CCDC88C: variants seen among roughly 807,000 people sequenced by gnomAD.
The protein encoded by CCDC88C is coiled-coil and HOOK domain protein 88C.
CCDC88C carries 131 observed loss-of-function variants against 198.8 expected under a neutral mutation model. The ratio of observed to expected loss-of-function variants is 0.66; its 90% CI spans 0.57 to 0.76. The LOEUF is 0.76. Ranked by LOEUF, CCDC88C falls within the 30% of genes least tolerant of loss-of-function variation. The pLI, the probability that CCDC88C is intolerant of heterozygous loss-of-function variation, is 0.00. For missense variants in CCDC88C, 2,553 were observed against 2,631.6 expected (o/e 0.97, Z 0.65); for synonymous variants, 1,166 against 1,114.7 (o/e 1.05, Z -0.92).
Position 91,344,191 on chromosome 14 carries a change from G to A in CCDC88C, c.341-534C>T, listed in dbSNP as rs117670130. Among the ~76,000 whole-genome samples, 79 of 152,198 alleles carry A rather than the reference G, an allele frequency of 5.2e-4. 2 individuals are homozygous for A. The East Asian group carries it at 0.013, about 25-fold the overall frequency. On this transcript the variant is annotated intron_variant, in intron 4 of 29. Coordinates refer to ENST00000389857, the MANE Select transcript of CCDC88C (RefSeq NM_001080414.4). Reference sequence around the variant, plus strand: ...GAAGCCCCTTCCATTCAAATATGTCGTAAGTATCTCCCCATGATAATTAAC... The same window carrying A: ...GAAGCCCCTTCCATTCAAATATGTCATAAGTATCTCCCCATGATAATTAAC...
intron 3 of CCDC88C, among the ~76,000 whole-genome samples, chr14:91,367,553 T>C (rs1256966614): frequency 6.6e-6 from 1 of 152,206 alleles, no homozygotes; most frequent in African/African-American, 2.4e-5. Context: ...AGACACGTAC[T>C]GTGTACACCT....
At chr14:91,307,586 TGC>T (rs1891613994) in intron 17 of CCDC88C, among the ~76,000 whole-genome samples, 1 of 152,254 alleles carries the variant, frequency 6.6e-6, no homozygotes, top group African/African-American at 2.4e-5. Flanking sequence ...TCAAAGCCCC[TGC>T]TGGCACTGGA....
intron 3 of CCDC88C, among the ~76,000 whole-genome samples, chr14:91,407,936 T>C (rs1886591693): frequency 6.6e-6 from 1 of 152,112 alleles, no homozygotes; most frequent in African/African-American, 2.4e-5. Flanking sequence ...GCGTGCACCA[T>C]GCCCAGCTAA....
chr14:91,335,101 G>T (rs1425864414), intron 10 of CCDC88C, among the ~76,000 whole-genome samples: 1 of 152,112 alleles, frequency 6.6e-6, no homozygotes, highest in East Asian at 1.9e-4. Context: ...CCTCCCAGGG[G>T]CCAGAACTGC....
chr14:91,310,072 A>G (rs1393835874), intron 15 of CCDC88C, 86 bp from the exon 16 acceptor site: 3 of 1,374,570 alleles, frequency 2.2e-6, no homozygotes, highest in Non-Finnish European at 2.9e-6. Flanking sequence ...GGTGTGAGCA[A>G]CTGTCCTCCC....
chr14:91,349,410 G>A (rs1011249336), intron 4 of CCDC88C, among the ~76,000 whole-genome samples: 1 of 152,216 alleles, frequency 6.6e-6, no homozygotes, highest in Non-Finnish European at 1.5e-5. Context: ...AAGAGAGCAC[G>A]CTGCTTGTCA....
rs562306188 is a variant in CCDC88C at position 91,307,073 on chromosome 14, G to A, written c.3160C>T (p.Arg1054Ter). The change falls in exon 18 of 30, where the codon CGA becomes TGA. Residue 1054 changes from arginine (R) to a stop codon, truncating the protein, a stop_gained. Coordinates refer to ENST00000389857, the MANE Select transcript of CCDC88C (RefSeq NM_001080414.4). LOFTEE classifies it high-confidence loss of function. ...GHKEATMELL[R>*]VKDRAIELER... ...AGCTCGATGGCCCGGTCCTTCACTC[G>A]GAGAAGCTCCATGGTGGCTTCCTTA... is the stretch of plus-strand genomic sequence containing the variant. 4 of 1,613,542 alleles carry A rather than the reference G, an allele frequency of 2.5e-6. No homozygotes were observed. The highest frequency in any genetic ancestry group is 1.3e-5 in the African/African-American group (1 of 75,026).
At chr14:91,318,165 C>A (rs116681281) in intron 13 of CCDC88C, among the ~76,000 whole-genome samples, 2,792 of 152,242 alleles carry the variant, frequency 0.018, 97 homozygotes, top group African/African-American at 0.064. Flanking sequence ...CACACCTGTG[C>A]TCCTAGCACT....
rs1251986893 is a variant in CCDC88C at position 91,339,933 on chromosome 14, A to ATGC, written c.572_574dup (p.Ser191dup). On this transcript the variant is annotated inframe_insertion, in exon 7 of 30. Transcript: ENST00000389857. This position sits in a 1 kb window ranked among gnomAD's most constrained non-coding sequence, Gnocchi z 5.8. ...GATGAGCCTCCGCAGGTGGAGCACC[A>ATGC]TGCTCCTCGACAGGGCCTCCAGCTC... 6.3e-7 allele frequency: 1 copy of ATGC among 1,596,696 alleles called. No homozygotes were observed. Among genetic ancestry groups the ATGC allele is most frequent in the African/African-American group, 1.3e-5 (1 of 74,594 alleles).
chr14:91,409,483 T>C (rs1248685790), intron 2 of CCDC88C, among the ~76,000 whole-genome samples: 2 of 120,426 alleles, frequency 1.7e-5, no homozygotes, highest in East Asian at 5.0e-4. Flanking sequence ...CCTAAAACGG[T>C]ACATTTCTTT....
chr14:91,375,376 G>C (rs1277425159), intron 3 of CCDC88C, among the ~76,000 whole-genome samples: 1 of 152,206 alleles, frequency 6.6e-6, no homozygotes, highest in African/African-American at 2.4e-5. Context: ...CTGGACCCCT[G>C]CTGTGTGAGG....
At chr14:91,333,079 AAG>A (rs547653000) in intron 10 of CCDC88C, among the ~76,000 whole-genome samples, 32 of 152,340 alleles carry the variant, frequency 2.1e-4, no homozygotes, top group African/African-American at 7.0e-4. Flanking sequence ...AAGAAGTATA[AAG>A]AGAGAGACAC....
At chr14:91,356,623 G>A (rs1357947812) in intron 4 of CCDC88C, among the ~76,000 whole-genome samples, 5 of 151,522 alleles carry the variant, frequency 3.3e-5, no homozygotes, top group Non-Finnish European at 7.4e-5. Flanking sequence ...GTATATTTAT[G>A]AAAAAAAATC....
In CCDC88C at chr14:91,339,546, C is replaced by T. The variant is rs995065254; in HGVS notation, c.625-84G>A. ...CTGAGCTTGAACAGGGTGAAGAAACCGCCAAAAGACAGATATTTCAGCGGA... is the reference window on the plus strand; with the variant it reads ...CTGAGCTTGAACAGGGTGAAGAAACTGCCAAAAGACAGATATTTCAGCGGA... On this transcript the variant is annotated intron_variant, in intron 7 of 29. Transcript: ENST00000389857. This position sits in a 1 kb window ranked among gnomAD's most constrained non-coding sequence, Gnocchi z 5.8. The T allele has an allele frequency of 3.9e-6, 5 of 1,287,676 alleles. No homozygotes were observed. The highest frequency in any genetic ancestry group is 5.3e-6 in the Non-Finnish European group (5 of 938,872). 79.8% of individuals were successfully genotyped at this position (1,287,676 alleles called of 1,614,324 possible).
chr14:91,320,113 T>C (rs1892297363), intron 13 of CCDC88C, among the ~76,000 whole-genome samples: 1 of 148,662 alleles, frequency 6.7e-6, no homozygotes, highest in African/African-American at 2.5e-5. Flanking sequence ...CCTTGGAATC[T>C]CCAAAGGGAT....
chr14:91,377,636 T>C (rs1467097032), intron 3 of CCDC88C, among the ~76,000 whole-genome samples: 1 of 152,074 alleles, frequency 6.6e-6, no homozygotes, highest in Non-Finnish European at 1.5e-5. Flanking sequence ...CTAAGAACCA[T>C]GGTGGGGAGG....
At chr14:91,355,150 TG>T (rs1402279916) in intron 4 of CCDC88C, among the ~76,000 whole-genome samples, 2 of 151,966 alleles carry the variant, frequency 1.3e-5, no homozygotes, top group African/African-American at 4.8e-5. Flanking sequence ...GACACTGCCC[TG>T]GGGAGCAGCC....
At position 91,339,939 on chromosome 14, in the gene CCDC88C, C is replaced by T. The variant is rs1479186807; in HGVS notation, c.569G>A (p.Arg190Lys). The change falls in exon 7 of 30, where the codon AGG becomes AAG. Residue 190 changes from arginine to lysine, a missense_variant. Arg to Lys is a conservative substitution (Grantham distance 26, BLOSUM62 2). Around this residue, in one of 2 missense-constraint regions of CCDC88C, gnomAD observed 1,260 missense variants for 1,412.0 expected, o/e 0.89. Transcript: ENST00000389857. This position sits in a 1 kb window ranked among gnomAD's most constrained non-coding sequence, Gnocchi z 5.8. Reference sequence around the variant, plus strand: ...CCTCCGCAGGTGGAGCACCATGCTCCTCGACAGGGCCTCCAGCTCCTCCGG... The same window carrying T: ...CCTCCGCAGGTGGAGCACCATGCTCTTCGACAGGGCCTCCAGCTCCTCCGG... ...VAPEELEALS[R>K]SMVLHLRRLI... 1.3e-6 allele frequency: 2 copies of T among 1,597,718 alleles called. No homozygotes were observed. The highest frequency in any genetic ancestry group is 1.7e-6 in the Non-Finnish European group (2 of 1,173,368).
intron 4 of CCDC88C, among the ~76,000 whole-genome samples, chr14:91,354,386 C>T (rs1893949984): frequency 6.6e-6 from 1 of 152,246 alleles, no homozygotes; most frequent in Non-Finnish European, 1.5e-5. Flanking sequence ...GCTGGTCTAG[C>T]TCCATCCAGC....
Sources: gnomAD v4.1 joint callset for allele counts (sites outside exome capture counted in the v4.1 genomes callset) on GRCh38, gnomAD v4.1.1 for gene constraint, gnomAD v4.1.1 regional missense constraint, Gnocchi (gnomAD v3.1) non-coding constraint, MANE v1.5 for transcripts, NCBI Gene and HGNC (gene_info 2026-07-23, HGNC 2026-07-21) for gene names.